NEDD4L: variants seen among roughly 807,000 people sequenced by gnomAD.
The protein encoded by NEDD4L is E3 ubiquitin-protein ligase NEDD4-like.
In NEDD4L, 54 loss-of-function variants were observed where a neutral mutation model predicts 148.9. The ratio of observed to expected loss-of-function variants is 0.36; its 90% CI spans 0.29 to 0.45. The LOEUF (loss-of-function observed/expected upper bound fraction) is 0.45, where lower values mean the gene tolerates loss of function less well. NEDD4L is among the 20% of genes least tolerant of loss of function. The probability of loss-of-function intolerance (pLI) is 1.00; values close to 1 mark genes in which losing one functional copy is unlikely to be tolerated. For missense variants in NEDD4L, 856 were observed against 1,233.8 expected (o/e 0.69, Z 4.59); for synonymous variants, 433 against 440.7 (o/e 0.98, Z 0.22).
In NEDD4L at chr18:58,241,536, T is replaced by C. The variant is rs555296453; in HGVS notation, c.123-3891T>C. Among the ~76,000 whole-genome samples the C allele has an allele frequency of 2.6e-4, 39 of 150,380 alleles. No homozygotes were observed. The South Asian group carries it at 8.1e-3, about 31-fold the overall frequency. On this transcript the variant is annotated intron_variant, in intron 2 of 30. Coordinates refer to ENST00000400345, the MANE Select transcript of NEDD4L (RefSeq NM_001144967.3). ...GATGGACCAGTGCATAGAAATCACATGAGACACTCAATAAATGTAGACTCC... is the reference window on the plus strand; with the variant it reads ...GATGGACCAGTGCATAGAAATCACACGAGACACTCAATAAATGTAGACTCC...
At chr18:58,133,108 A>G (rs539625964) in intron 1 of NEDD4L, among the ~76,000 whole-genome samples, 8 of 152,352 alleles carry the variant, frequency 5.3e-5, no homozygotes, top group Admixed American at 1.3e-4. Flanking sequence ...AATTCTGTCA[A>G]AAGAACTCAC....
At chr18:58,381,019 CAT>C (rs2146619874) in intron 24 of NEDD4L, among the ~76,000 whole-genome samples, 2 of 152,216 alleles carry the variant, frequency 1.3e-5, no homozygotes, top group East Asian at 3.9e-4. Flanking sequence ...TCTATATAAA[CAT>C]ATAATTCTGT....
At chr18:58,285,525 CT>C (rs943767544) in intron 5 of NEDD4L, among the ~76,000 whole-genome samples, 7 of 152,086 alleles carry the variant, frequency 4.6e-5, no homozygotes, top group African/African-American at 1.4e-4. Flanking sequence ...GCCTGATGCC[CT>C]TTCATTAGCT....
At chr18:58,067,587 C>T (rs2082665569) in intron 1 of NEDD4L, among the ~76,000 whole-genome samples, 1 of 152,130 alleles carries the variant, frequency 6.6e-6, no homozygotes, top group African/African-American at 2.4e-5. Flanking sequence ...GGAATTGGGT[C>T]TCAAAACTGA....
intron 1 of NEDD4L, among the ~76,000 whole-genome samples, chr18:58,081,437 G>A (rs184722638): frequency 7.2e-5 from 11 of 152,008 alleles, no homozygotes; most frequent in Middle Eastern, 3.4e-3. Flanking sequence ...GGAAGGTCTC[G>A]ATCTCCTGAC....
chr18:58,364,305 A>G lies in NEDD4L; in HGVS notation c.1805A>G (p.Asp602Gly), dbSNP rs868256982. The change falls in exon 20 of 31, where the codon GAC becomes GGC. Residue 602 changes from aspartate to glycine, a missense_variant. By Grantham distance (94) the Asp-to-Gly change is moderately conservative. This residue lies in a region of NEDD4L where 286 missense variants were observed against 531.8 expected (regional missense o/e 0.54). Transcript: ENST00000400345. ...TCCAGAGAATTTAAGCAGAAATATG[A>G]CTACTTCAGGAAGAAATTAAAGAAA... Reference protein sequence around the residue: ...PYSREFKQKYDYFRKKLKKPA... With the variant: ...PYSREFKQKYGYFRKKLKKPA... 2 of 1,561,880 alleles carry G rather than the reference A, an allele frequency of 1.3e-6. No individual in the cohort carries two copies. Among genetic ancestry groups the G allele is most frequent in the Non-Finnish European group, 1.7e-6 (2 of 1,151,014 alleles).
At chr18:58,383,903 T>C (rs8098336) in intron 25 of NEDD4L, among the ~76,000 whole-genome samples, 12,332 of 152,274 alleles carry the variant, frequency 0.081, 738 homozygotes, top group South Asian at 0.19. Context: ...GCAGAAGTTT[T>C]TCTCTGTTGG....
chr18:58,379,458 A>G (rs1185153581), intron 24 of NEDD4L, among the ~76,000 whole-genome samples: 3 of 152,184 alleles, frequency 2.0e-5, no homozygotes, highest in Non-Finnish European at 4.4e-5. Flanking sequence ...GCAACAGCTG[A>G]TGTTAAGAAG....
chr18:58,201,000 C>G (rs2041333560), intron 2 of NEDD4L, among the ~76,000 whole-genome samples: 1 of 152,118 alleles, frequency 6.6e-6, no homozygotes, highest in African/African-American at 2.4e-5. Context: ...AACCTGGACT[C>G]TCTTGTATTC....
At chr18:58,167,183 T>C (rs1392908436) in intron 2 of NEDD4L, among the ~76,000 whole-genome samples, 1 of 152,226 alleles carries the variant, frequency 6.6e-6, no homozygotes. Flanking sequence ...GACATCAGCC[T>C]GTACTGCTGG....
chr18:58,097,592 A>G (rs931246028), intron 1 of NEDD4L, among the ~76,000 whole-genome samples: 5 of 152,178 alleles, frequency 3.3e-5, no homozygotes, highest in Non-Finnish European at 7.3e-5. Flanking sequence ...TAAAGTCTAA[A>G]GTTAATTGAG....
At chr18:58,348,860 T>C (rs191133936) in intron 16 of NEDD4L, among the ~76,000 whole-genome samples, 222 of 152,296 alleles carry the variant, frequency 1.5e-3, no homozygotes, top group African/African-American at 5.1e-3. Context: ...TGTGGTATCT[T>C]ATGAAGCTTA....
intron 1 of NEDD4L, among the ~76,000 whole-genome samples, chr18:58,152,330 T>C (rs1324480852): frequency 6.6e-6 from 1 of 152,156 alleles, no homozygotes; most frequent in Non-Finnish European, 1.5e-5. Context: ...CCAGCATTGC[T>C]GGCTCCGAGA....
rs753286683 is a variant in NEDD4L, at chr18:58,366,563, C to G, written c.2063+335C>G. 67 of 200,816 alleles carry G rather than the reference C, an allele frequency of 3.3e-4. No individual in the cohort carries two copies. The highest frequency in any genetic ancestry group is 1.2e-4 in the Non-Finnish European group (12 of 100,374). 12.4% of individuals were successfully genotyped at this position (200,816 alleles called of 1,614,324 possible). On this transcript the variant is annotated intron_variant, in intron 21 of 30. Transcript: ENST00000400345. This position sits in a 1 kb window ranked among gnomAD's most constrained non-coding sequence, Gnocchi z 4.2. ...ACTTGTCAGTGTTAGAATTCAAAAA[C>G]AAAGGAGGTGTTTTTTGAACAAGAG... is the stretch of plus-strand genomic sequence containing the variant.
chr18:58,310,821 T>C (rs2149356758), intron 5 of NEDD4L, among the ~76,000 whole-genome samples: 1 of 152,368 alleles, frequency 6.6e-6, no homozygotes, highest in South Asian at 2.1e-4. Flanking sequence ...ATGGGGTAGC[T>C]GCACTCGCTA....
chr18:58,163,058 T>C (rs2036414910), intron 1 of NEDD4L, among the ~76,000 whole-genome samples: 1 of 134,342 alleles, frequency 7.4e-6, no homozygotes. Context: ...AGTAAGACTC[T>C]GTCTCAAAAA....
chr18:58,220,025 GGAAAT>G lies in NEDD4L; in HGVS notation c.123-25401_123-25397del, dbSNP rs533921083. Among the ~76,000 whole-genome samples the G allele has an allele frequency of 3.4e-3, 524 of 152,272 alleles. 5 individuals are homozygous for G. Among genetic ancestry groups the G allele is most frequent in the Non-Finnish European group, 5.7e-3 (385 of 68,036 alleles). On this transcript the variant is annotated intron_variant, in intron 2 of 30. Coordinates refer to ENST00000400345, the MANE Select transcript of NEDD4L (RefSeq NM_001144967.3). Reference sequence around the variant, plus strand: ...AGTTTTAGACATAATCAAAGATGATGGAAATCTTGTTCTTAAATTTAGTCTATTCA... The same window carrying G: ...AGTTTTAGACATAATCAAAGATGATGCTTGTTCTTAAATTTAGTCTATTCA...
At chr18:58,044,739 C>G (rs371239651) in intron 1 of NEDD4L, 31 bp downstream of exon 1, 9 of 1,599,456 alleles carry the variant, frequency 5.6e-6, no homozygotes, top group Admixed American at 1.7e-5. Flanking sequence ...GCTCGGGACT[C>G]CCCGGGGAGT....
At chr18:58,214,800 A>ATT (rs60043101) in intron 2 of NEDD4L, among the ~76,000 whole-genome samples, 76 of 123,256 alleles carry the variant, frequency 6.2e-4, no homozygotes, top group South Asian at 1.2e-3. Context: ...TCTTTCTTTC[A>ATT]TTTTTTTTTT....
Sources: allele counts gnomAD v4.1 joint callset (sites outside exome capture counted in the v4.1 genomes callset), GRCh38; gene constraint gnomAD v4.1.1; regional missense constraint gnomAD v4.1.1; non-coding constraint Gnocchi (gnomAD v3.1); transcripts MANE v1.5; gene names NCBI Gene and HGNC (gene_info 2026-07-23, HGNC 2026-07-21).